Variants in SAMD5 observed in about 807,000 individuals in gnomAD.
SAMD5 encodes the protein sterile alpha motif domain containing 5.
SAMD5 carries 13 observed loss-of-function variants against 11.3 expected under a neutral mutation model. The observed-to-expected ratio is 1.15, with a 90% CI of 0.75 to 1.83. The LOEUF is 1.83. Ranked by LOEUF, SAMD5 falls within the 40% of genes most tolerant of loss-of-function variation. The pLI is 0.00. For missense variants in SAMD5, 255 were observed against 239.1 expected (o/e 1.07, Z -0.44); for synonymous variants, 129 against 111.3 (o/e 1.16, Z -1.00).
the SAMD5 span, among the ~76,000 whole-genome samples, chr6:147,826,662 TTAAA>T: frequency 6.6e-6 from 1 of 152,334 alleles, no homozygotes; most frequent in Middle Eastern, 3.4e-3. Context: ...TTGACAATTC[TTAAA>T]GTGGCCCAAG....
rs1460909163 is a variant in SAMD5 at position 147,711,783 on chromosome 6, T to C, written c.163-25534T>C. On this transcript the variant is annotated intron_variant, in intron 1 of 1. Coordinates refer to the SAMD5 transcript ENST00000566741. This position sits in a 1 kb window ranked among gnomAD's most constrained non-coding sequence, Gnocchi z 4.1. ...GTTGTGAGTTCCTTACATCATGGAG[T>C]GTCATGTGCGTAAGTACACTTAATT... Among the ~76,000 whole-genome samples the C allele has an allele frequency of 2.6e-5, 4 of 152,088 alleles. No individual in the cohort carries two copies. Among genetic ancestry groups the C allele is most frequent in the Non-Finnish European group, 4.4e-5 (3 of 68,034 alleles).
the SAMD5 span, among the ~76,000 whole-genome samples, chr6:147,926,525 GT>G: frequency 1.6e-4 from 24 of 150,458 alleles, no homozygotes; most frequent in African/African-American, 5.1e-4. Flanking sequence ...ACTTTTTAAT[GT>G]TTTTTTTTCT....
At chr6:147,674,895 C>T (rs1042126561) in intron 1 of SAMD5, among the ~76,000 whole-genome samples, 1 of 152,170 alleles carries the variant, frequency 6.6e-6, no homozygotes, top group Non-Finnish European at 1.5e-5. Flanking sequence ...ACCACCACAC[C>T]TGATTCACAA....
chr6:147,581,748 T>A (rs1256163914), intron 1 of SAMD5, among the ~76,000 whole-genome samples: 1 of 151,972 alleles, frequency 6.6e-6, no homozygotes, highest in African/African-American at 2.4e-5. Flanking sequence ...GTTCGAAGGA[T>A]GGGTGGAAGG....
chr6:147,574,954 G>A (rs1337516245), downstream of SAMD5, among the ~76,000 whole-genome samples: 2 of 152,146 alleles, frequency 1.3e-5, no homozygotes, highest in East Asian at 1.9e-4. Flanking sequence ...AGCACCACCA[G>A]TAAGTACCAT....
intron 1 of SAMD5, among the ~76,000 whole-genome samples, chr6:147,734,699 C>A (rs1375823075): frequency 1.6e-5 from 1 of 64,304 alleles, no homozygotes; most frequent in African/African-American, 6.3e-5. Flanking sequence ...GGCGGCAGAG[C>A]GAGACTCCAT....
chr6:147,519,609 T>G (rs531937567), intron 1 of SAMD5, among the ~76,000 whole-genome samples: 1 of 152,196 alleles, frequency 6.6e-6, no homozygotes, highest in African/African-American at 2.4e-5. Context: ...CATGGTGTTA[T>G]TGTTTATTTC....
At chr6:147,660,641 A>C (rs986875030) in intron 1 of SAMD5, 3 of 151,928 alleles carry the variant, frequency 2.0e-5, no homozygotes, top group Non-Finnish European at 4.4e-5. Flanking sequence ...TTCTCGCGAT[A>C]GTGAGAGAGT....
the SAMD5 span, among the ~76,000 whole-genome samples, chr6:147,885,395 T>C: frequency 6.6e-6 from 1 of 152,240 alleles, no homozygotes; most frequent in South Asian, 2.1e-4. Context: ...ACAAGTTTTA[T>C]CATCTAATTT....
In SAMD5 at chr6:147,637,278, G is replaced by C. The variant is rs191605547; in HGVS notation, c.163-100039G>C. ...AGAGTGCCTCATCATATTCAGCTCAGTGTGACATACCAGGCTCTCCATAAA... is the reference window on the plus strand; with the variant it reads ...AGAGTGCCTCATCATATTCAGCTCACTGTGACATACCAGGCTCTCCATAAA... On this transcript the variant is annotated intron_variant, in intron 1 of 1. Transcript: ENST00000566741. Among the ~76,000 whole-genome samples, 16 of 152,318 alleles carry C rather than the reference G, an allele frequency of 1.1e-4. No individual in the cohort carries two copies. The East Asian group carries it at 2.5e-3, about 24-fold the overall frequency.
At chr6:147,897,771 C>G in the SAMD5 span, among the ~76,000 whole-genome samples, 2 of 151,692 alleles carry the variant, frequency 1.3e-5, no homozygotes, top group Admixed American at 6.6e-5. Flanking sequence ...ATGGTGCAAC[C>G]CTGTCTCTAC....
the SAMD5 span, among the ~76,000 whole-genome samples, chr6:147,774,679 A>AT: frequency 4.2e-4 from 63 of 151,052 alleles, no homozygotes; most frequent in Admixed American, 1.5e-3. Flanking sequence ...GAGTGGAGGG[A>AT]TTTTTTTTAC....
intron 1 of SAMD5, among the ~76,000 whole-genome samples, chr6:147,725,168 G>A (rs920179310): frequency 4.6e-5 from 7 of 152,058 alleles, no homozygotes; most frequent in African/African-American, 1.5e-4. Context: ...TATAATATCC[G>A]TATCATCTGA....
intron 1 of SAMD5, among the ~76,000 whole-genome samples, chr6:147,588,665 A>G (rs1170147125): frequency 6.6e-6 from 1 of 151,884 alleles, no homozygotes; most frequent in African/African-American, 2.4e-5. Flanking sequence ...CCCAAATAAA[A>G]TGTGTTTTTT....
intron 1 of SAMD5, among the ~76,000 whole-genome samples, chr6:147,668,942 T>C (rs1162783295): frequency 6.6e-6 from 1 of 152,204 alleles, no homozygotes; most frequent in Non-Finnish European, 1.5e-5. Flanking sequence ...ATACTTTTTG[T>C]CAAAAAATGC....
At chr6:147,611,251 A>G (rs1013223005) in intron 1 of SAMD5, among the ~76,000 whole-genome samples, 2 of 152,190 alleles carry the variant, frequency 1.3e-5, no homozygotes, top group Non-Finnish European at 2.9e-5. Flanking sequence ...AGTGCAAGAG[A>G]GGAATTTGAA....
At chr6:147,609,400 C>T (rs933152645) in intron 1 of SAMD5, among the ~76,000 whole-genome samples, 2 of 152,204 alleles carry the variant, frequency 1.3e-5, no homozygotes, top group Non-Finnish European at 2.9e-5. Flanking sequence ...GACTTCCAGC[C>T]TCCAGAACTG....
the SAMD5 span, among the ~76,000 whole-genome samples, chr6:147,851,195 C>T: frequency 9.2e-5 from 14 of 152,250 alleles, no homozygotes; most frequent in Middle Eastern, 3.4e-3. Flanking sequence ...CCGCCTGCCT[C>T]AGCCTCCCAA....
the SAMD5 span, among the ~76,000 whole-genome samples, chr6:147,934,709 A>G: frequency 1.3e-5 from 2 of 152,124 alleles, no homozygotes; most frequent in African/African-American, 4.8e-5. Context: ...GATTCTGCCT[A>G]TACTAAGGTC....
Sources: gnomAD v4.1 joint callset for allele counts (sites outside exome capture counted in the v4.1 genomes callset) on GRCh38, gnomAD v4.1.1 for gene constraint, Gnocchi (gnomAD v3.1) non-coding constraint, MANE v1.5 for transcripts, NCBI Gene and HGNC (gene_info 2026-07-23, HGNC 2026-07-21) for gene names.